Variants in SCAND3 observed in about 807,000 individuals in gnomAD.
SCAND3 encodes the protein SCAN domain containing 3.
the SCAND3 span, chr6:28,573,075 A>C: frequency 6.2e-7 from 1 of 1,608,980 alleles, no homozygotes; most frequent in Non-Finnish European, 8.5e-7. Flanking sequence ...TTGTGTTTGT[A>C]GGCAAAGAGG....
At chr6:28,610,934 T>G in the SCAND3 span, among the ~76,000 whole-genome samples, 1 of 152,206 alleles carries the variant, frequency 6.6e-6, no homozygotes, top group Non-Finnish European at 1.5e-5. Flanking sequence ...CCCTTAGTGC[T>G]CAATTTAAAA....
the SCAND3 span, among the ~76,000 whole-genome samples, chr6:28,581,625 AATGGTCAGAAG>A: frequency 2.0e-5 from 3 of 152,118 alleles, no homozygotes; most frequent in African/African-American, 7.2e-5. Flanking sequence ...ACCATCACTT[AATGGTCAGAAG>A]ATGGCCAGAT....
chr6:28,579,793 TC>T, the SCAND3 span, among the ~76,000 whole-genome samples: 1 of 152,212 alleles, frequency 6.6e-6, no homozygotes, highest in South Asian at 2.1e-4. The surrounding 1 kb of genome is among the most constrained non-coding windows in gnomAD (Gnocchi z 4.5). Context: ...ATGCCTGTAA[TC>T]CCAGCACTTT....
At chr6:28,572,073 G>A in the SCAND3 span, 2 of 1,613,980 alleles carry the variant, frequency 1.2e-6, no homozygotes, top group South Asian at 1.1e-5. The surrounding 1 kb of genome is among the most constrained non-coding windows in gnomAD (Gnocchi z 4.1). Context: ...GGTATGTTGA[G>A]GGGAAAAGAA....
the SCAND3 span, among the ~76,000 whole-genome samples, chr6:28,582,718 C>A: frequency 2.0e-5 from 3 of 151,146 alleles, no homozygotes; most frequent in Middle Eastern, 0.01. The surrounding 1 kb of genome is among the most constrained non-coding windows in gnomAD (Gnocchi z 4.8). Context: ...ATCAAGAGAT[C>A]GAGACCATCC....
chr6:28,596,323 C>T, the SCAND3 span, among the ~76,000 whole-genome samples: 1 of 152,030 alleles, frequency 6.6e-6, no homozygotes, highest in African/African-American at 2.4e-5. Context: ...ACAGAAAGCT[C>T]TCCAGGATAT....
the SCAND3 span, chr6:28,586,180 TAAG>T: frequency 3.8e-6 from 3 of 784,252 alleles, no homozygotes; most frequent in South Asian, 5.1e-5. This position sits in a 1 kb window ranked among gnomAD's most constrained non-coding sequence, Gnocchi z 4.4. Flanking sequence ...AGTGATCAAA[TAAG>T]AAATAATGCC....
chr6:28,585,272 T>C, the SCAND3 span: 2 of 152,240 alleles, frequency 1.3e-5, no homozygotes, highest in African/African-American at 4.8e-5. Flanking sequence ...AGCACACTTC[T>C]ATGGCACTTG....
At chr6:28,575,826 C>T in the SCAND3 span, 6 of 1,613,850 alleles carry the variant, frequency 3.7e-6, no homozygotes, top group African/African-American at 6.7e-5. The surrounding 1 kb of genome is among the most constrained non-coding windows in gnomAD (Gnocchi z 4.2). Context: ...TATCTGTTTC[C>T]CCATTTACAG....
chr6:28,615,406 G>A, the SCAND3 span, among the ~76,000 whole-genome samples: 1 of 152,096 alleles, frequency 6.6e-6, no homozygotes, highest in African/African-American at 2.4e-5. Context: ...TTGAGGTCAG[G>A]AGTTCAAAAC....
the SCAND3 span, chr6:28,571,318 A>G: frequency 6.6e-6 from 1 of 152,458 alleles, no homozygotes; most frequent in Non-Finnish European, 1.5e-5. Flanking sequence ...TGCCTCAAAA[A>G]TAAATAAGTA....
At chr6:28,609,406 G>C in the SCAND3 span, among the ~76,000 whole-genome samples, 1 of 152,138 alleles carries the variant, frequency 6.6e-6, no homozygotes, top group East Asian at 1.9e-4. Context: ...TATTTTGAAA[G>C]CTAACACATG....
chr6:28,571,775 C>T, the SCAND3 span: 1 of 1,047,862 alleles, frequency 9.5e-7, no homozygotes, highest in Non-Finnish European at 1.3e-6. Flanking sequence ...TAGAAAATTG[C>T]TGTTTCACTC....
chr6:28,612,336 A>G, the SCAND3 span, among the ~76,000 whole-genome samples: 1 of 151,986 alleles, frequency 6.6e-6, no homozygotes, highest in Non-Finnish European at 1.5e-5. Flanking sequence ...CTGGGCCCTG[A>G]TCACTTCTGT....
chr6:28,607,406 G>T, the SCAND3 span, among the ~76,000 whole-genome samples: 18 of 152,108 alleles, frequency 1.2e-4, no homozygotes, highest in Non-Finnish European at 2.9e-5. Context: ...TGAACCCTTT[G>T]TAAAAGCATT....
the SCAND3 span, among the ~76,000 whole-genome samples, chr6:28,578,387 G>A: frequency 6.6e-6 from 1 of 152,098 alleles, no homozygotes; most frequent in African/African-American, 2.4e-5. Context: ...AAGACTGTAA[G>A]TTTCTAAAGA....
At chr6:28,573,809 G>A in the SCAND3 span, 2 of 1,530,444 alleles carry the variant, frequency 1.3e-6, no homozygotes, top group African/African-American at 1.4e-5. Flanking sequence ...AAAAAGTCCA[G>A]TGAAGCTTGT....
chr6:28,573,013 C>T, the SCAND3 span: 1 of 1,613,366 alleles, frequency 6.2e-7, no homozygotes, highest in Non-Finnish European at 8.5e-7. Flanking sequence ...AAATTCCAAA[C>T]CACATTTGTT....
At chr6:28,571,934 T>C in the SCAND3 span, 1 of 1,613,346 alleles carries the variant, frequency 6.2e-7, no homozygotes, top group Non-Finnish European at 8.5e-7. Flanking sequence ...TGAGCTTGCT[T>C]CTTGCTTGTT....
Sources: gnomAD v4.1 joint callset for allele counts (sites outside exome capture counted in the v4.1 genomes callset) on GRCh38, gnomAD v4.1.1 for gene constraint, Gnocchi (gnomAD v3.1) non-coding constraint, MANE v1.5 for transcripts, NCBI Gene and HGNC (gene_info 2026-07-23, HGNC 2026-07-21) for gene names.